STPG2: variants seen among roughly 807,000 people sequenced by gnomAD.
STPG2 encodes sperm tail PG-rich repeat containing 2.
Under a neutral mutation model 54.2 loss-of-function variants are expected in STPG2, and 56 were observed. The observed-to-expected ratio is 1.03, with a 90% CI of 0.83 to 1.29. The LOEUF is 1.29. Among genes scored for constraint, STPG2 ranks in the 50% most tolerant of loss-of-function variants. STPG2 has a pLI of 0.00. For synonymous variants in STPG2, 200 were observed against 181.8 expected, an observed-to-expected ratio of 1.10 and a Z score of -0.81; for missense variants, 596 against 544.9, an observed-to-expected ratio of 1.09 and a Z score of -0.93.
At chr4:97,768,951 AG>A (rs2149060711) in intron 9 of STPG2, among the ~76,000 whole-genome samples, 1 of 152,182 alleles carries the variant, frequency 6.6e-6, no homozygotes, top group East Asian at 1.9e-4. Context: ...GCAAAAAAGG[AG>A]GGGCAGTGTC....
intron 8 of STPG2, among the ~76,000 whole-genome samples, chr4:97,914,379 C>T (rs1236639970): frequency 6.6e-6 from 1 of 152,066 alleles, no homozygotes; most frequent in Non-Finnish European, 1.5e-5. Context: ...AATAGCTCAC[C>T]AGGAAAATAA....
In STPG2 at chr4:97,736,566, C is replaced by A. The variant is rs188299723; in HGVS notation, c.1205-23752G>T. On this transcript the variant is annotated intron_variant, in intron 9 of 10. Transcript: ENST00000295268. ...CACACCAGGAGATTATATCCCGCAC[C>A]TGGCTCAGAGGGTCCTATGCCCACG... Among the ~76,000 whole-genome samples the A allele has an allele frequency of 2.2e-3, 328 of 152,302 alleles. 1 individual carries two copies. Among genetic ancestry groups the A allele is most frequent in the African/African-American group, 6.4e-3 (268 of 41,570 alleles).
At chr4:97,910,111 C>A (rs1433371546) in intron 8 of STPG2, among the ~76,000 whole-genome samples, 1 of 152,160 alleles carries the variant, frequency 6.6e-6, no homozygotes, top group Non-Finnish European at 1.5e-5. Flanking sequence ...CCTTCCCCAC[C>A]AAGTTTTGTA....
At chr4:97,783,512 T>C (rs1030987834) in intron 9 of STPG2, among the ~76,000 whole-genome samples, 12 of 152,216 alleles carry the variant, frequency 7.9e-5, no homozygotes, top group African/African-American at 2.9e-4. Flanking sequence ...TGGAAGACAG[T>C]GTGGCAATTC....
chr4:97,929,222 G>T (rs527669278), intron 8 of STPG2, among the ~76,000 whole-genome samples: 4 of 152,138 alleles, frequency 2.6e-5, no homozygotes, highest in Admixed American at 2.6e-4. Context: ...TTTTTTATGG[G>T]TGCATAGTAT....
chr4:97,542,909 G>A (rs1731751035), intron 4 of STPG2, among the ~76,000 whole-genome samples: 1 of 152,026 alleles, frequency 6.6e-6, no homozygotes, highest in African/African-American at 2.4e-5. Context: ...TCACTCATAG[G>A]CGGGAATTGA....
At chr4:97,927,339 T>C (rs1432278838) in intron 8 of STPG2, among the ~76,000 whole-genome samples, 2 of 152,146 alleles carry the variant, frequency 1.3e-5, no homozygotes, top group Non-Finnish European at 1.5e-5. Context: ...TATATTTTGT[T>C]ATGAGTCGTC....
chr4:98,014,628 T>C (rs1735872237), intron 5 of STPG2, among the ~76,000 whole-genome samples: 1 of 152,186 alleles, frequency 6.6e-6, no homozygotes, highest in African/African-American at 2.4e-5. Flanking sequence ...TCTATATTAT[T>C]AGAGTTACAA....
intron 10 of STPG2, among the ~76,000 whole-genome samples, chr4:97,628,968 G>C (rs1467765256): frequency 6.6e-6 from 1 of 151,940 alleles, no homozygotes; most frequent in African/African-American, 2.4e-5. Flanking sequence ...CCAAAGCAAA[G>C]ACTTTGAGTA....
intron 5 of STPG2, among the ~76,000 whole-genome samples, chr4:97,987,556 G>A (rs1351335692): frequency 5.9e-5 from 9 of 151,996 alleles, no homozygotes; most frequent in African/African-American, 2.2e-4. Context: ...TAAATATTAA[G>A]AAGTACTATT....
chr4:97,482,629 A>G (rs1451164932), intron 4 of STPG2, among the ~76,000 whole-genome samples: 1 of 151,670 alleles, frequency 6.6e-6, no homozygotes. Flanking sequence ...TTTGGCAAAC[A>G]TATTTGGGGG....
At chr4:98,014,284 G>T (rs1735854501) in intron 5 of STPG2, among the ~76,000 whole-genome samples, 1 of 152,110 alleles carries the variant, frequency 6.6e-6, no homozygotes, top group African/African-American at 2.4e-5. Context: ...GTGGTTCTGA[G>T]TGAGTTTCTT....
chr4:97,735,632 C>T (rs1236302130), intron 9 of STPG2, among the ~76,000 whole-genome samples: 2 of 141,562 alleles, frequency 1.4e-5, no homozygotes, highest in African/African-American at 5.4e-5. Flanking sequence ...TATATATATA[C>T]ACACACATAT....
intron 10 of STPG2, among the ~76,000 whole-genome samples, chr4:97,595,744 A>G (rs941107596): frequency 2.0e-5 from 3 of 152,196 alleles, no homozygotes; most frequent in African/African-American, 7.2e-5. Context: ...CACCAGACCT[A>G]TCTTACAAGT....
chr4:97,572,444 C>T (rs944860396), intron 10 of STPG2, among the ~76,000 whole-genome samples: 1 of 152,112 alleles, frequency 6.6e-6, no homozygotes, highest in African/African-American at 2.4e-5. Context: ...ATAAGTTGAA[C>T]ATCTCATATA....
chr4:97,617,875 A>C (rs965722323), intron 10 of STPG2, among the ~76,000 whole-genome samples: 1 of 152,162 alleles, frequency 6.6e-6, no homozygotes, highest in Non-Finnish European at 1.5e-5. Context: ...CATTATGATG[A>C]TATACATCAT....
intron 5 of STPG2, among the ~76,000 whole-genome samples, chr4:98,067,154 C>T (rs1430719642): frequency 2.0e-5 from 3 of 152,060 alleles, no homozygotes; most frequent in Non-Finnish European, 4.4e-5. Flanking sequence ...CTCTAAGAGT[C>T]AATCATTCTC....
At chr4:97,540,062 A>C (rs903142150) in intron 4 of STPG2, among the ~76,000 whole-genome samples, 4 of 152,222 alleles carry the variant, frequency 2.6e-5, no homozygotes, top group Non-Finnish European at 5.9e-5. Flanking sequence ...TCACAATTAA[A>C]AGAACTAGAG....
At chr4:97,511,046 G>A (rs1730961162) in intron 4 of STPG2, among the ~76,000 whole-genome samples, 5 of 151,998 alleles carry the variant, frequency 3.3e-5, no homozygotes, top group Non-Finnish European at 2.9e-5. Context: ...GAAAAGGGAG[G>A]AGTGAAAATG....
Sources: allele counts gnomAD v4.1 joint callset (sites outside exome capture counted in the v4.1 genomes callset), GRCh38; gene constraint gnomAD v4.1.1; transcripts MANE v1.5; gene names NCBI Gene and HGNC (gene_info 2026-07-23, HGNC 2026-07-21).